The following DOCK3 variants were observed in gnomAD, a reference collection of about 807,000 sequenced individuals.
DOCK3 encodes dedicator of cytokinesis protein 3.
Under a neutral mutation model 265.6 loss-of-function variants are expected in DOCK3, and 60 were observed. The ratio of observed to expected loss-of-function variants is 0.23; its 90% CI spans 0.18 to 0.28. The LOEUF (loss-of-function observed/expected upper bound fraction) is 0.28, where lower values mean the gene tolerates loss of function less well. DOCK3 is among the 10% of genes least tolerant of loss of function. DOCK3 has a pLI of 1.00. For synonymous variants in DOCK3, 881 were observed against 938.0 expected (o/e 0.94, Z 1.11); for missense variants, 1,981 against 2,594.3 (o/e 0.76, Z 5.14).
intron 2 of DOCK3, among the ~76,000 whole-genome samples, chr3:50,811,636 A>G (rs541852220): frequency 6.6e-6 from 1 of 152,272 alleles, no homozygotes; most frequent in South Asian, 2.1e-4. Flanking sequence ...ATATCCTATG[A>G]CCTAGCCATT....
intron 5 of DOCK3, among the ~76,000 whole-genome samples, chr3:50,955,798 A>T (rs1425251315): frequency 4.6e-5 from 7 of 152,118 alleles, no homozygotes. Flanking sequence ...GAGTTTACCT[A>T]TATAACAAAC....
At chr3:51,264,672 A>G (rs2080056949) in intron 23 of DOCK3, among the ~76,000 whole-genome samples, 4 of 144,926 alleles carry the variant, frequency 2.8e-5, no homozygotes, top group Admixed American at 2.7e-4. Context: ...CTAAAAATAC[A>G]AAAAATTAGC....
At chr3:51,005,337 A>C (rs2078639568) in intron 5 of DOCK3, among the ~76,000 whole-genome samples, 1 of 151,706 alleles carries the variant, frequency 6.6e-6, no homozygotes, top group Non-Finnish European at 1.5e-5. Flanking sequence ...ATGCCCCCAA[A>C]CTTAATTTCT....
chr3:50,916,416 C>T (rs892778151), intron 4 of DOCK3, among the ~76,000 whole-genome samples: 1 of 151,992 alleles, frequency 6.6e-6, no homozygotes, highest in African/African-American at 2.4e-5. Flanking sequence ...GGGAGATGGG[C>T]CCGATGCTTC....
intron 5 of DOCK3, among the ~76,000 whole-genome samples, chr3:51,002,645 T>C (rs2078529526): frequency 6.6e-6 from 1 of 152,222 alleles, no homozygotes; most frequent in South Asian, 2.1e-4. Flanking sequence ...GGAGATCCAG[T>C]TGTTTCAAAA....
chr3:51,310,369 T>C (rs2082999275), intron 28 of DOCK3, 43 bp downstream of exon 28: 2 of 1,484,880 alleles, frequency 1.3e-6, no homozygotes, highest in Admixed American at 3.9e-5. Context: ...TGAGCTGTTC[T>C]CAGACTAAGA....
chr3:51,245,776 G>C (rs549913231), intron 21 of DOCK3, among the ~76,000 whole-genome samples: 2 of 152,274 alleles, frequency 1.3e-5, no homozygotes, highest in East Asian at 3.9e-4. Context: ...TGGAGTCACT[G>C]AAACTCTGAT....
intron 2 of DOCK3, among the ~76,000 whole-genome samples, chr3:50,797,598 C>G (rs2042858598): frequency 6.6e-6 from 1 of 152,162 alleles, no homozygotes; most frequent in Non-Finnish European, 1.5e-5. Context: ...GAGGCACCTC[C>G]GTACTGTTCT....
At chr3:51,272,930 C>G (rs1365680606) in intron 24 of DOCK3, among the ~76,000 whole-genome samples, 3 of 151,886 alleles carry the variant, frequency 2.0e-5, no homozygotes, top group Non-Finnish European at 4.4e-5. Context: ...TTTGGGAGGC[C>G]AAGGTGTGTG....
At chr3:51,308,496 G>A (rs2082835312) in intron 27 of DOCK3, among the ~76,000 whole-genome samples, 1 of 151,442 alleles carries the variant, frequency 6.6e-6, no homozygotes, top group South Asian at 2.1e-4. Context: ...TTAACCCTGA[G>A]TGGACACAGC....
chr3:51,156,573 A>G (rs184937251), intron 10 of DOCK3, among the ~76,000 whole-genome samples: 1 of 152,360 alleles, frequency 6.6e-6, no homozygotes, highest in East Asian at 1.9e-4. Context: ...GATAGCTTTT[A>G]TATTGAAATT....
intron 12 of DOCK3, among the ~76,000 whole-genome samples, chr3:51,170,348 T>C (rs2086613535): frequency 1.3e-5 from 2 of 152,188 alleles, no homozygotes; most frequent in Non-Finnish European, 2.9e-5. Context: ...TTCAAATGTT[T>C]AGTAGACTTC....
At chr3:50,811,157 G>C (rs2043731282) in intron 2 of DOCK3, among the ~76,000 whole-genome samples, 1 of 152,164 alleles carries the variant, frequency 6.6e-6, no homozygotes, top group Admixed American at 6.5e-5. Context: ...TGGAGGCTGA[G>C]GTAGGAGGAT....
intron 9 of DOCK3, among the ~76,000 whole-genome samples, chr3:51,138,577 T>C (rs1055848112): frequency 1.3e-4 from 20 of 152,292 alleles, no homozygotes; most frequent in Non-Finnish European, 2.9e-4. Context: ...GCAAGCCTAT[T>C]TACCTAGATA....
At chr3:51,265,007 T>C (rs1452750021) in intron 23 of DOCK3, among the ~76,000 whole-genome samples, 1 of 151,912 alleles carries the variant, frequency 6.6e-6, no homozygotes, top group African/African-American at 2.4e-5. Flanking sequence ...ACAAAAAATG[T>C]GATAAAGGGG....
intron 1 of DOCK3, among the ~76,000 whole-genome samples, chr3:50,748,941 G>T (rs1441240330): frequency 1.3e-5 from 2 of 152,132 alleles, no homozygotes; most frequent in African/African-American, 2.4e-5. Context: ...GCCTTCTTAT[G>T]TGTCGTAACA....
chr3:50,836,292 G>T (rs999506608), intron 2 of DOCK3, among the ~76,000 whole-genome samples: 1 of 152,206 alleles, frequency 6.6e-6, no homozygotes, highest in African/African-American at 2.4e-5. Flanking sequence ...TGAGGGCTCT[G>T]CCCCTGCAGC....
intron 27 of DOCK3, among the ~76,000 whole-genome samples, chr3:51,306,856 T>C (rs2082715690): frequency 6.6e-6 from 1 of 152,224 alleles, no homozygotes; most frequent in Non-Finnish European, 1.5e-5. Flanking sequence ...ATTTCTTTGT[T>C]TAAAGTATTT....
intron 12 of DOCK3, among the ~76,000 whole-genome samples, chr3:51,198,235 C>G (rs2088447247): frequency 6.6e-6 from 1 of 152,226 alleles, no homozygotes; most frequent in Non-Finnish European, 1.5e-5. Context: ...AAGTTATCCA[C>G]CTCTTGGTGA....
Sources: gnomAD v4.1 joint callset for allele counts (sites outside exome capture counted in the v4.1 genomes callset) on GRCh38, gnomAD v4.1.1 for gene constraint, MANE v1.5 for transcripts, NCBI Gene and HGNC (gene_info 2026-07-23, HGNC 2026-07-21) for gene names.